The following USP7 variants were observed in gnomAD, a reference collection of about 807,000 sequenced individuals.
The protein encoded by USP7 is ubiquitin C-terminal hydrolase 7.
USP7 carries 9 observed loss-of-function variants against 162.9 expected under a neutral mutation model. The observed-to-expected ratio is 0.06, with a 90% CI of 0.03 to 0.10. The LOEUF (loss-of-function observed/expected upper bound fraction) is 0.10, where lower values mean the gene tolerates loss of function less well. Ranked by LOEUF, USP7 falls within the 10% of genes least tolerant of loss-of-function variation. USP7 has a pLI of 1.00. For synonymous variants in USP7, 562 were observed against 475.9 expected, an observed-to-expected ratio of 1.18 and a Z score of -2.35; for missense variants, 715 against 1,373.7, an observed-to-expected ratio of 0.52 and a Z score of 7.58.
chr16:8,896,063 A>T (rs1455482610), intron 26 of USP7, among the ~76,000 whole-genome samples: 3 of 150,706 alleles, frequency 2.0e-5, no homozygotes, highest in Admixed American at 1.3e-4. Flanking sequence ...ATGGTCTCGA[A>T]CTCCTGACCT....
chr16:8,918,985 G>T, intron 6 of USP7, 46 bp downstream of exon 6: 1 of 1,595,362 alleles, frequency 6.3e-7, no homozygotes, highest in African/African-American at 1.3e-5. Flanking sequence ...TACCTGAGAA[G>T]AAAGGGTGAG....
intron 13 of USP7, among the ~76,000 whole-genome samples, chr16:8,905,765 A>T (rs2061849894): frequency 6.6e-6 from 1 of 152,358 alleles, no homozygotes; most frequent in South Asian, 2.1e-4. Flanking sequence ...ATGGCATTTT[A>T]TGGAAGCAAG....
In USP7 at chr16:8,963,697, G is replaced by C. The variant is rs1388350806; in HGVS notation, c.-412C>G. On this transcript the variant is annotated 5_prime_UTR_variant, in exon 1 of 31. Coordinates refer to ENST00000344836, the MANE Select transcript of USP7 (RefSeq NM_003470.3). Reference sequence around the variant, plus strand: ...GCGGAGTCAGCCCCGCCTCGGGCCGGGCGCGGCGGACGGGAGGCCTGGCCG... The same window carrying C: ...GCGGAGTCAGCCCCGCCTCGGGCCGCGCGCGGCGGACGGGAGGCCTGGCCG... 7.0e-6 allele frequency among the ~76,000 whole-genome samples: 1 copy of C among 143,162 alleles called. No individual in the cohort carries two copies. The highest frequency in any genetic ancestry group is 1.5e-5 in the Non-Finnish European group (1 of 64,680). The allele number at this position is 143,162 out of a possible 152,430, so 93.9% of individuals were successfully genotyped here.
Position 8,894,835 on chromosome 16 carries a change from C to G in USP7, c.3060G>C (p.Val1020=), listed in dbSNP as rs11551183. 0.03 allele frequency: 48,764 copies of G among 1,614,206 alleles called. 898 individuals carry two copies. Among genetic ancestry groups the G allele is most frequent in the Non-Finnish European group, 0.035 (41,313 of 1,180,048 alleles). Residue 1020 remains valine (V), a synonymous_variant, in exon 29 of 31, where the codon GTG becomes GTC. Transcript: ENST00000344836. ...RIHQGEHFRE[V]MKRIQSLLDI... Reference sequence around the variant, plus strand: ...CCAGCAGGCTCTGGATTCGCTTCATCACTTCTCGAAAATGCTCGCCCTAGA... The same window carrying G: ...CCAGCAGGCTCTGGATTCGCTTCATGACTTCTCGAAAATGCTCGCCCTAGA...
intron 1 of USP7, among the ~76,000 whole-genome samples, chr16:8,941,061 T>C (rs1362999825): frequency 6.6e-6 from 1 of 152,168 alleles, no homozygotes; most frequent in Non-Finnish European, 1.5e-5. Context: ...TGGAAAGTGG[T>C]AGGTGCTGGC....
At position 8,893,250 on chromosome 16, in the gene USP7, T is replaced by C. The variant is rs1251796462; in HGVS notation, c.*748A>G. ...AAATTCTATTTATAATCCTTTCACC[T>C]GCTCGTATGAACTGTTGAGATCGTA... On this transcript the variant is annotated 3_prime_UTR_variant, in exon 31 of 31. Coordinates refer to ENST00000344836, the MANE Select transcript of USP7 (RefSeq NM_003470.3). The C allele has an allele frequency of 6.6e-6, 1 of 152,250 alleles. No individual in the cohort carries two copies. Among genetic ancestry groups the C allele is most frequent in the Non-Finnish European group, 1.5e-5 (1 of 68,042 alleles). The allele number at this position is 152,250 out of a possible 1,614,324, so 9.4% of individuals were successfully genotyped here. A position where few individuals can be genotyped will look rare whatever the true frequency, so the allele number is the denominator to read the frequency against.
rs565404571 is a variant in USP7 at position 8,893,439 on chromosome 16, C to T, written c.*559G>A. 2 of 154,218 alleles carry T rather than the reference C, an allele frequency of 1.3e-5. No individual in the cohort carries two copies. The highest frequency in any genetic ancestry group is 2.9e-5 in the Non-Finnish European group (2 of 69,332). 9.6% of individuals were successfully genotyped at this position (154,218 alleles called of 1,614,324 possible). ...GAGGTGAGACAAGTTTATTAAAAAG[C>T]CCCCAGGCAGCTGGAGGAGGAGAAC... On this transcript the variant is annotated 3_prime_UTR_variant, in exon 31 of 31. Transcript: ENST00000344836.
intron 22 of USP7, 196 bp downstream of exon 22, chr16:8,899,408 G>C: frequency 1.3e-6 from 1 of 793,340 alleles, no homozygotes; most frequent in Non-Finnish European, 2.0e-6. Context: ...TTAATGGTGA[G>C]GTCTACAGGT....
chr16:8,908,647 T>C (rs1188976456), intron 11 of USP7, among the ~76,000 whole-genome samples, 197 bp from the exon 12 acceptor site: 1 of 152,218 alleles, frequency 6.6e-6, no homozygotes, highest in African/African-American at 2.4e-5. Flanking sequence ...TTTATTAAAA[T>C]AATGCTGCAC....
Position 8,901,248 on chromosome 16 carries a change from A to G in USP7, c.2048-14T>C, listed in dbSNP as rs373532980. 5 of 1,595,662 alleles carry G rather than the reference A, an allele frequency of 3.1e-6. No individual in the cohort carries two copies. The African/African-American group carries it at 6.7e-5, about 21-fold the overall frequency. ...ACATTACATCATCTACAAGGTTAAT[A>G]AACAAGTTTTGTTAAGATCCAAACA... On this transcript the variant is annotated splice_polypyrimidine_tract_variant and intron_variant, in intron 18 of 30. Coordinates refer to ENST00000344836, the MANE Select transcript of USP7 (RefSeq NM_003470.3).
rs531755844 is a variant in USP7, at chr16:8,893,206, C to T, written c.*792G>A. The T allele has an allele frequency of 2.0e-5, 3 of 152,116 alleles. No individual in the cohort carries two copies. The highest frequency in any genetic ancestry group is 4.8e-5 in the African/African-American group (2 of 41,404). 9.4% of individuals were successfully genotyped at this position (152,116 alleles called of 1,614,324 possible). On this transcript the variant is annotated 3_prime_UTR_variant, in exon 31 of 31. Coordinates refer to ENST00000344836, the MANE Select transcript of USP7 (RefSeq NM_003470.3). ...CCCTCTTGCTAAAAGGCTTTCTTGT[C>T]GTCTGTTCCACTTTAACGAAATTCT...
At chr16:8,940,473 G>A (rs761690681) in intron 1 of USP7, among the ~76,000 whole-genome samples, 13 of 152,224 alleles carry the variant, frequency 8.5e-5, no homozygotes, top group Admixed American at 2.0e-4. Flanking sequence ...CACCATCAAG[G>A]CTGTTGATCA....
At chr16:8,952,995 C>T (rs117176121) in intron 1 of USP7, among the ~76,000 whole-genome samples, 2,459 of 152,200 alleles carry the variant, frequency 0.016, 34 homozygotes, top group Non-Finnish European at 0.026. Flanking sequence ...TGTCACCATG[C>T]CAGGCTATTT....
intron 1 of USP7, among the ~76,000 whole-genome samples, chr16:8,961,080 T>C (rs902472979): frequency 1.2e-4 from 18 of 152,360 alleles, no homozygotes; most frequent in Admixed American, 7.2e-4. Context: ...AGGGGTTACC[T>C]TTCTAATACA....
chr16:8,899,768 G>A lies in USP7; in HGVS notation c.2310-11C>T, dbSNP rs1457426962. The A allele has an allele frequency of 6.2e-7, 1 of 1,614,062 alleles. No homozygotes were observed. Among genetic ancestry groups the A allele is most frequent in the Non-Finnish European group, 8.5e-7 (1 of 1,180,034 alleles). On this transcript the variant is annotated splice_polypyrimidine_tract_variant and intron_variant, in intron 21 of 30. Transcript: ENST00000344836. ...TTTTCAGGGTCATCCCTGGTGGAGG[G>A]AGAAAGTTTGCAGTCTGAATCAAAG...
chr16:8,962,695 G>GT (rs1900062506), intron 1 of USP7: 1 of 197,628 alleles, frequency 5.1e-6, no homozygotes. Flanking sequence ...ATTTTCGAAC[G>GT]TAAGCCCGAC....
chr16:8,946,856 A>G (rs1899308920), intron 1 of USP7, among the ~76,000 whole-genome samples: 1 of 152,242 alleles, frequency 6.6e-6, no homozygotes, highest in Non-Finnish European at 1.5e-5. Flanking sequence ...CAACTTTTTA[A>G]TATAACTGTA....
At chr16:8,958,694 C>T (rs1899897925) in intron 1 of USP7, among the ~76,000 whole-genome samples, 2 of 152,206 alleles carry the variant, frequency 1.3e-5, no homozygotes, top group South Asian at 4.1e-4. Context: ...GTTCCACTTC[C>T]CCACACTCAT....
At chr16:8,920,798 G>A (rs1897646021) in intron 4 of USP7, among the ~76,000 whole-genome samples, 1 of 152,136 alleles carries the variant, frequency 6.6e-6, no homozygotes, top group Admixed American at 6.5e-5. Flanking sequence ...TGTTCCACTG[G>A]TTACCACCTC....
Sources: gnomAD v4.1 joint callset for allele counts (sites outside exome capture counted in the v4.1 genomes callset) on GRCh38, gnomAD v4.1.1 for gene constraint, MANE v1.5 for transcripts, NCBI Gene and HGNC (gene_info 2026-07-23, HGNC 2026-07-21) for gene names.